The following NMUR2 variants were observed in gnomAD, a reference collection of about 807,000 sequenced individuals.
The protein encoded by NMUR2 is neuromedin-U receptor 2.
In NMUR2, 24 loss-of-function variants were observed where a neutral mutation model predicts 25.1. The ratio of observed to expected loss-of-function variants is 0.96; its 90% CI spans 0.69 to 1.34. The LOEUF (loss-of-function observed/expected upper bound fraction) is 1.34, where lower values mean the gene tolerates loss of function less well. Among genes scored for constraint, NMUR2 ranks in the 40% most tolerant of loss-of-function variants. The probability of loss-of-function intolerance (pLI) is 0.00; values close to 1 mark genes in which losing one functional copy is unlikely to be tolerated. For missense variants in NMUR2, 533 were observed against 512.8 expected (o/e 1.04, Z -0.38); for synonymous variants, 218 against 208.1 (o/e 1.05, Z -0.41).
Position 152,391,977 on chromosome 5 carries a change from A to G in NMUR2, c.*214T>C. On this transcript the variant is annotated 3_prime_UTR_variant, in exon 4 of 4. Transcript: ENST00000255262. ...AGTGAAGGGGCATGAGGCAGTTAGG[A>G]TAGTGGAAAGATAACTAAAAATCAG... The G allele has an allele frequency of 2.0e-6, 1 of 510,372 alleles. No individual in the cohort carries two copies. The highest frequency in any genetic ancestry group is 3.5e-6 in the Non-Finnish European group (1 of 287,036). The allele number at this position is 510,372 out of a possible 1,614,324, so 31.6% of individuals were successfully genotyped here. A position where few individuals can be genotyped will look rare whatever the true frequency, so the allele number is the denominator to read the frequency against.
chr5:152,395,504 T>G lies in NMUR2; in HGVS notation c.892A>C (p.Ser298Arg), dbSNP rs111790800. The G allele has an allele frequency of 3.7e-6, 6 of 1,613,466 alleles. No homozygotes were observed. Among genetic ancestry groups the G allele is most frequent in the African/African-American group, 1.3e-5 (1 of 74,854 alleles). ...RLFFSFVEEWSESLAAVFNLV... is the reference protein window; with the variant it reads ...RLFFSFVEEWRESLAAVFNLV... ...TTGAACACAGCAGCCAGGGATTCAC[T>G]CCACTCCTCCACAAAGCTGAAGAAG... The change falls in exon 3 of 4, where the codon AGT (serine) becomes CGT (arginine). Residue 298 changes from serine to arginine, a missense_variant. Physicochemically the swap from Ser to Arg is moderately radical, Grantham distance 110 (BLOSUM62 -1). Transcript: ENST00000255262.
Position 152,392,150 on chromosome 5 carries a change from T to C in NMUR2, c.*41A>G, listed in dbSNP as rs370747541. 5.9e-5 allele frequency: 89 copies of C among 1,519,492 alleles called. 1 individual carries two copies. Among genetic ancestry groups the C allele is most frequent in the South Asian group, 7.4e-5 (6 of 81,488 alleles). 94.1% of individuals were successfully genotyped at this position (1,519,492 alleles called of 1,614,324 possible). ...GCATACATTATGGGATGTTCCTCTC[T>C]GAAGTTTTGAGGCATAGAGGAGAGT... On this transcript the variant is annotated 3_prime_UTR_variant, in exon 4 of 4. Transcript: ENST00000255262.
chr5:152,392,614 T>C, intron 3 of NMUR2, 113 bp from the exon 4 acceptor site: 2 of 753,386 alleles, frequency 2.7e-6, no homozygotes, highest in Middle Eastern at 2.4e-4. Context: ...GCCTCTTTTA[T>C]AAGTGATAAT....
At chr5:152,394,027 C>T (rs1335544330) in intron 3 of NMUR2, among the ~76,000 whole-genome samples, 6 of 147,030 alleles carry the variant, frequency 4.1e-5, no homozygotes, top group Non-Finnish European at 9.2e-5. Context: ...TAGATTTAAT[C>T]TAGTGGCTAA....
intron 1 of NMUR2, among the ~76,000 whole-genome samples, chr5:152,403,189 A>G (rs1175797787): frequency 2.0e-5 from 3 of 151,944 alleles, no homozygotes; most frequent in African/African-American, 7.3e-5. Flanking sequence ...GCTACAGGGG[A>G]CATAGATAGG....
At chr5:152,397,331 G>C (rs1753170886) in intron 2 of NMUR2, among the ~76,000 whole-genome samples, 1 of 152,032 alleles carries the variant, frequency 6.6e-6, no homozygotes, top group Non-Finnish European at 1.5e-5. Flanking sequence ...CTCTCATATA[G>C]TAGTGCTGTA....
rs1753317581 is a variant in NMUR2 at position 152,404,581 on chromosome 5, G to GAGA, written c.530_532dup (p.Phe177dup). The GAGA allele has an allele frequency of 1.2e-6, 2 of 1,614,168 alleles. No individual in the cohort carries two copies. The highest frequency in any genetic ancestry group is 1.7e-6 in the Non-Finnish European group (2 of 1,180,028). On this transcript the variant is annotated inframe_insertion, in exon 1 of 4. Coordinates refer to ENST00000255262, the MANE Select transcript of NMUR2 (RefSeq NM_020167.5). ...GCCATGGATGCTGGTGTTGGGCAGG[G>GAGA]AGAAGAGCACGGAGAAGCCCCAGAC... is the stretch of plus-strand genomic sequence containing the variant.
chr5:152,395,475 G>T lies in NMUR2; in HGVS notation c.921C>A (p.Leu307=), dbSNP rs543652529. The T allele has an allele frequency of 1.9e-6, 3 of 1,613,368 alleles. No homozygotes were observed. Among genetic ancestry groups the T allele is most frequent in the African/African-American group, 2.7e-5 (2 of 74,806 alleles). Residue 307 remains leucine, a synonymous_variant, in exon 3 of 4, where the codon CTC becomes CTA. Coordinates refer to ENST00000255262, the MANE Select transcript of NMUR2 (RefSeq NM_020167.5). ...WSESLAAVFN[L]VHVVSGVFFY... ...AGGTTTTACCTGACACCACATGGAC[G>T]AGGTTGAACACAGCAGCCAGGGATT...
Position 152,392,165 on chromosome 5 carries a change from T to A in NMUR2, c.*26A>T. 6.3e-7 allele frequency: 1 copy of A among 1,577,588 alleles called. No individual in the cohort carries two copies. Among genetic ancestry groups the A allele is most frequent in the Non-Finnish European group, 8.6e-7 (1 of 1,156,178 alleles). On this transcript the variant is annotated 3_prime_UTR_variant, in exon 4 of 4. Coordinates refer to ENST00000255262, the MANE Select transcript of NMUR2 (RefSeq NM_020167.5). ...TGTTCCTCTCTGAAGTTTTGAGGCATAGAGGAGAGTCAGCTCTGAAAGAAT... is the reference window on the plus strand; with the variant it reads ...TGTTCCTCTCTGAAGTTTTGAGGCAAAGAGGAGAGTCAGCTCTGAAAGAAT...
rs71669210 is a variant in NMUR2 at position 152,405,170 on chromosome 5, G to GA, written c.-58dup. The GA allele has an allele frequency of 0.089, 100,066 of 1,128,528 alleles. 11 individuals carry two copies. The highest frequency in any genetic ancestry group is 0.097 in the South Asian group (4,545 of 46,950). The allele number at this position is 1,128,528 out of a possible 1,614,324, so 69.9% of individuals were successfully genotyped here. On this transcript the variant is annotated 5_prime_UTR_variant, in exon 1 of 4. Coordinates refer to ENST00000255262, the MANE Select transcript of NMUR2 (RefSeq NM_020167.5). Reference sequence around the variant, plus strand: ...GAGGCTCTGTTTCAAGCTGAGCCAGGAAAAAAAAAAAAAAAAGAAAAAAGG... The same window carrying GA: ...GAGGCTCTGTTTCAAGCTGAGCCAGGAAAAAAAAAAAAAAAAAGAAAAAAGG...
chr5:152,395,508 C>T lies in NMUR2; in HGVS notation c.888G>A (p.Glu296=). 1 of 1,613,680 alleles carries T rather than the reference C, an allele frequency of 6.2e-7. No individual in the cohort carries two copies. The change falls in exon 3 of 4, where the codon GAG becomes GAA. Residue 296 remains glutamate, a synonymous_variant. Coordinates refer to ENST00000255262, the MANE Select transcript of NMUR2 (RefSeq NM_020167.5). ...IDRLFFSFVE[E]WSESLAAVFN... is the part of the protein sequence containing the mutation. ...ACACAGCAGCCAGGGATTCACTCCA[C>T]TCCTCCACAAAGCTGAAGAAGAGTC...
intron 3 of NMUR2, among the ~76,000 whole-genome samples, chr5:152,393,288 C>T (rs1753094301): frequency 6.6e-6 from 1 of 152,030 alleles, no homozygotes; most frequent in Admixed American, 6.6e-5. Flanking sequence ...AACCCACCTC[C>T]CTGGATTATT....
At chr5:152,394,975 C>A (rs942478987) in intron 3 of NMUR2, among the ~76,000 whole-genome samples, 9 of 151,644 alleles carry the variant, frequency 5.9e-5, no homozygotes, top group African/African-American at 1.9e-4. Flanking sequence ...GACTTACTGA[C>A]CTTTCCACCA....
rs886131591 is a variant in NMUR2 at position 152,404,729 on chromosome 5, C to G, written c.385G>C (p.Val129Leu). Reference sequence around the variant, plus strand: ...ATGCTGAGGATGGAGGCGAAGCACACGGTCTCAAAGAGGGCCGTCTTGAAG... The same window carrying G: ...ATGCTGAGGATGGAGGCGAAGCACAGGGTCTCAAAGAGGGCCGTCTTGAAG... ...CYFKTALFETVCFASILSITT... is the reference protein window; with the variant it reads ...CYFKTALFETLCFASILSITT... Residue 129 changes from valine (V) to leucine (L), a missense_variant, in exon 1 of 4, where the codon GTG (valine) becomes CTG (leucine). Physicochemically the swap from Val to Leu is conservative, Grantham distance 32 (BLOSUM62 1). Coordinates refer to ENST00000255262, the MANE Select transcript of NMUR2 (RefSeq NM_020167.5). 3.1e-6 allele frequency: 5 copies of G among 1,614,114 alleles called. No homozygotes were observed. The African/African-American group carries it at 5.3e-5, about 17-fold the overall frequency.
chr5:152,395,676 GT>G, intron 2 of NMUR2, 92 bp from the exon 3 acceptor site: 1 of 1,449,890 alleles, frequency 6.9e-7, no homozygotes. Flanking sequence ...TCTTCTGGCA[GT>G]TTTTCCCTTC....
chr5:152,392,612 T>C, intron 3 of NMUR2, 111 bp from the exon 4 acceptor site: 2 of 782,232 alleles, frequency 2.6e-6, no homozygotes, highest in Admixed American at 2.7e-5. Context: ...TTGCCTCTTT[T>C]ATAAGTGATA....
At chr5:152,394,489 C>G (rs1019337803) in intron 3 of NMUR2, among the ~76,000 whole-genome samples, 2 of 152,092 alleles carry the variant, frequency 1.3e-5, no homozygotes, top group African/African-American at 2.4e-5. Flanking sequence ...AGCCGGTGAC[C>G]AGGAGAGGTG....
At chr5:152,396,118 C>T (rs1350135531) in intron 2 of NMUR2, among the ~76,000 whole-genome samples, 1 of 151,906 alleles carries the variant, frequency 6.6e-6, no homozygotes, top group African/African-American at 2.4e-5. Context: ...AATTCCTTCC[C>T]ATCTCTTATT....
In NMUR2 at chr5:152,398,888, G is replaced by C. The variant is rs557294778; in HGVS notation, c.727-744C>G. 1.2e-4 allele frequency among the ~76,000 whole-genome samples: 19 copies of C among 152,222 alleles called. 1 individual carries two copies. The South Asian group carries it at 2.9e-3, about 23-fold the overall frequency. ...GTGTTTCTGAGTTAAGATGTTTAAA[G>C]TATATTCATCCTTGTTGGACGATAT... is the stretch of plus-strand genomic sequence containing the variant. On this transcript the variant is annotated intron_variant, in intron 1 of 3. Coordinates refer to ENST00000255262, the MANE Select transcript of NMUR2 (RefSeq NM_020167.5).
Sources: gnomAD v4.1 joint callset for allele counts (sites outside exome capture counted in the v4.1 genomes callset) on GRCh38, gnomAD v4.1.1 for gene constraint, MANE v1.5 for transcripts, NCBI Gene and HGNC (gene_info 2026-07-23, HGNC 2026-07-21) for gene names.